Variants in LMTK3 observed in about 807,000 individuals in gnomAD.
LMTK3 encodes the protein serine/threonine-protein kinase LMTK3.
In LMTK3, 27 loss-of-function variants were observed where a neutral mutation model predicts 116.7. That is an observed-to-expected ratio of 0.23 (90% CI 0.17 to 0.32). LMTK3 has a LOEUF of 0.32. LMTK3 is among the 10% of genes least tolerant of loss of function. LMTK3 has a pLI of 1.00. For synonymous variants in LMTK3, 965 were observed against 971.0 expected, an observed-to-expected ratio of 0.99 and a Z score of 0.11; for missense variants, 1,764 against 2,068.5, an observed-to-expected ratio of 0.85 and a Z score of 2.86.
At chr19:48,493,573 T>G in intron 12 of LMTK3, 121 bp downstream of exon 12, 1 of 827,926 alleles carries the variant, frequency 1.2e-6, no homozygotes, top group Non-Finnish European at 1.5e-6. Flanking sequence ...CCACTCCAGC[T>G]CCGCCTCCCT....
chr19:48,495,467 C>G (rs1231894020), intron 11 of LMTK3, among the ~76,000 whole-genome samples: 3 of 152,194 alleles, frequency 2.0e-5, no homozygotes, highest in African/African-American at 7.2e-5. Context: ...TCTTTTCACC[C>G]CCCAATCCTA....
chr19:48,485,930 C>A lies in LMTK3; in HGVS notation c.4367-141G>T. The A allele has an allele frequency of 6.6e-6, 5 of 755,632 alleles. No homozygotes were observed. In the South Asian group the frequency reaches 9.5e-5, roughly 14 times the overall value. The allele number at this position is 755,632 out of a possible 1,614,324, so 46.8% of individuals were successfully genotyped here. Reference sequence around the variant, plus strand: ...TCTGTTCCCTCTCTGTCCTCACCTACCCCTCTTCTCCCCTCTGCTCCAGCC... The same window carrying A: ...TCTGTTCCCTCTCTGTCCTCACCTAACCCTCTTCTCCCCTCTGCTCCAGCC... On this transcript the variant is annotated intron_variant, in intron 14 of 14. Coordinates refer to ENST00000600059, the MANE Select transcript of LMTK3 (RefSeq NM_001388485.1).
chr19:48,513,299 C>G (rs1361277433), upstream of LMTK3: 3 of 789,800 alleles, frequency 3.8e-6, no homozygotes, highest in Non-Finnish European at 6.6e-6. This position sits in a 1 kb window ranked among gnomAD's most constrained non-coding sequence, Gnocchi z 5.6. Context: ...CCTCTCAATC[C>G]TCACAACCGC....
intron 14 of LMTK3, among the ~76,000 whole-genome samples, chr19:48,489,343 C>T (rs544458672): frequency 2.0e-5 from 3 of 152,216 alleles, no homozygotes; most frequent in Non-Finnish European, 4.4e-5. Flanking sequence ...GAGGCCAAGG[C>T]GGGCAGATCG....
chr19:48,491,687 G>A lies in LMTK3; in HGVS notation c.4093-148C>T. On this transcript the variant is annotated intron_variant, in intron 12 of 14. Transcript: ENST00000600059. The surrounding 1 kb of genome is among the most constrained non-coding windows in gnomAD (Gnocchi z 5.1). ...ACTGACTCGCACGCTCTGGAGAGGT[G>A]GCTGGAGCCCCTAATCTGGCTTCGA... The A allele has an allele frequency of 1.3e-6, 1 of 754,892 alleles. No homozygotes were observed. Among genetic ancestry groups the A allele is most frequent in the Non-Finnish European group, 1.8e-6 (1 of 547,334 alleles). 46.8% of individuals were successfully genotyped at this position (754,892 alleles called of 1,614,324 possible).
Position 48,500,307 on chromosome 19 carries a change from C to T in LMTK3, c.1152-390G>A, listed in dbSNP as rs1469478361. On this transcript the variant is annotated intron_variant, in intron 10 of 14. Transcript: ENST00000600059. This position sits in a 1 kb window ranked among gnomAD's most constrained non-coding sequence, Gnocchi z 4.0. ...AGCGTGGTGGCACCTGCCTGTAATC[C>T]CAGCTACCTGGGAGGCTGAGGCAGG... is the stretch of plus-strand genomic sequence containing the variant. 1.3e-5 allele frequency among the ~76,000 whole-genome samples: 2 copies of T among 152,206 alleles called. No homozygotes were observed. Among genetic ancestry groups the T allele is most frequent in the African/African-American group, 4.8e-5 (2 of 41,452 alleles).
Position 48,493,816 on chromosome 19 carries a change from G to A in LMTK3, c.3970C>T (p.Arg1324Cys). 6.0e-6 allele frequency: 9 copies of A among 1,504,082 alleles called. No homozygotes were observed. The highest frequency in any genetic ancestry group is 8.0e-6 in the Non-Finnish European group (9 of 1,126,896). The allele number at this position is 1,504,082 out of a possible 1,614,324, so 93.2% of individuals were successfully genotyped here. Residue 1324 changes from arginine (R) to cysteine (C), a missense_variant, in exon 12 of 15, where the codon CGC becomes TGC. Transcript: ENST00000600059. ...GACTTGAGCAGCCCCCGCAGCGGGC[G>A]GGCCGCGTCCGCGTCGGCGCTGCTC... is the stretch of plus-strand genomic sequence containing the variant. Reference protein sequence around the residue: ...VVSSADADAARPLRGLLKSPR... With the variant: ...VVSSADADAACPLRGLLKSPR...
Position 48,510,128 on chromosome 19 carries a change from G to T in LMTK3, c.256C>A (p.Pro86Thr). The change falls in exon 3 of 15, where the codon CCC (proline) becomes ACC (threonine). Residue 86 changes from proline to threonine, a missense_variant. Pro to Thr is a conservative substitution (Grantham distance 38). Transcript: ENST00000600059. ...EGEDCSGEYT[P>T]PAEETSSSQS... ...GAGGAGGAGGTCTCCTCCGCAGGGG[G>T]AGTGTACTCCCCGGAGCAGTCCTCC... The T allele has an allele frequency of 1.9e-6, 3 of 1,613,904 alleles. No individual in the cohort carries two copies. The highest frequency in any genetic ancestry group is 2.5e-6 in the Non-Finnish European group (3 of 1,179,868).
chr19:48,498,747 C>T lies in LMTK3; in HGVS notation c.2322G>A (p.Ser774=), dbSNP rs757885078. The T allele has an allele frequency of 2.7e-6, 4 of 1,490,576 alleles. No individual in the cohort carries two copies. The highest frequency in any genetic ancestry group is 1.5e-5 in the African/African-American group (1 of 67,676). The allele number at this position is 1,490,576 out of a possible 1,614,324, so 92.3% of individuals were successfully genotyped here. A position where few individuals can be genotyped will look rare whatever the true frequency, so the allele number is the denominator to read the frequency against. The change falls in exon 11 of 15, where the codon TCG becomes TCA. Residue 774 remains serine, a synonymous_variant. Transcript: ENST00000600059. ...GGCCTGAACCGGGACTGGCCACGGC[C>T]GAAGGGGGGTCGGGGGACGCGGCCG... ...ADPAASPDPP[S]AVASPGSGLS...
intron 5 of LMTK3, among the ~76,000 whole-genome samples, chr19:48,505,103 CTTTTTTTT>C (rs33927563): frequency 2.3e-4 from 13 of 55,574 alleles, no homozygotes; most frequent in Non-Finnish European, 3.2e-4. Context: ...CTCTCTCTCT[CTTTTTTTT>C]TTTTTTTTTT....
At chr19:48,496,016 G>A (rs555842060) in intron 11 of LMTK3, among the ~76,000 whole-genome samples, 5 of 152,368 alleles carry the variant, frequency 3.3e-5, no homozygotes, top group African/African-American at 1.2e-4. Context: ...CCAGCCTTGG[G>A]CAGCTCAGGG....
rs770264362 is a variant in LMTK3 at position 48,508,933 on chromosome 19, C to A, written c.475G>T (p.Ala159Ser). ...LGEIFSDYTP[A>S]QVVVKELRAS... Reference sequence around the variant, plus strand: ...CGGAGCTCCTTCACCACCACCTGGGCGGGGGTGTAGTCGGAGAAAATCTCT... The same window carrying A: ...CGGAGCTCCTTCACCACCACCTGGGAGGGGGTGTAGTCGGAGAAAATCTCT... Residue 159 changes from alanine to serine, a missense_variant, in exon 5 of 15, where the codon GCC (alanine) becomes TCC (serine). Ala to Ser is a moderately conservative substitution (Grantham distance 99). Coordinates refer to ENST00000600059, the MANE Select transcript of LMTK3 (RefSeq NM_001388485.1). 3.1e-6 allele frequency: 5 copies of A among 1,612,396 alleles called. No homozygotes were observed. Among genetic ancestry groups the A allele is most frequent in the East Asian group, 2.2e-5 (1 of 44,872 alleles).
At chr19:48,488,363 G>A (rs993454127) in intron 14 of LMTK3, among the ~76,000 whole-genome samples, 2 of 151,978 alleles carry the variant, frequency 1.3e-5, no homozygotes, top group Non-Finnish European at 2.9e-5. Flanking sequence ...CCACAGCCCT[G>A]GCTCACTATC....
intron 12 of LMTK3, among the ~76,000 whole-genome samples, chr19:48,492,191 G>C (rs1399522420): frequency 6.6e-6 from 1 of 152,030 alleles, no homozygotes; most frequent in Non-Finnish European, 1.5e-5. Flanking sequence ...ACCATATCCT[G>C]TGTTTTTCTT....
Position 48,492,062 on chromosome 19 carries a change from C to G in LMTK3, c.4093-523G>C, listed in dbSNP as rs190479770. On this transcript the variant is annotated intron_variant, in intron 12 of 14. Coordinates refer to ENST00000600059, the MANE Select transcript of LMTK3 (RefSeq NM_001388485.1). ...TGAAAACATTTCAGTGGCCCAGGCC[C>G]CAGTTCTTGGCCTTGTTTCCATTCC... is the stretch of plus-strand genomic sequence containing the variant. Among the ~76,000 whole-genome samples the G allele has an allele frequency of 2.6e-5, 4 of 152,306 alleles. No homozygotes were observed. The East Asian group carries it at 7.7e-4, about 29-fold the overall frequency.
At position 48,491,423 on chromosome 19, in the gene LMTK3, G is replaced by T; in HGVS notation, c.4209C>A (p.Pro1403=). 7.0e-7 allele frequency: 1 copy of T among 1,422,294 alleles called. No individual in the cohort carries two copies. The allele number at this position is 1,422,294 out of a possible 1,614,324, so 88.1% of individuals were successfully genotyped here. The change falls in exon 13 of 15, where the codon CCC becomes CCA. Residue 1403 remains proline, a synonymous_variant. Transcript: ENST00000600059. The surrounding 1 kb of genome is among the most constrained non-coding windows in gnomAD (Gnocchi z 5.1). The part of the protein sequence containing the change: ...PHPATPGDGF[P]SNDSGFGGSF... Reference sequence around the variant, plus strand: ...CCTCACCAAAGCCGCTGTCGTTGCTGGGAAACCCATCTCCGGGGGTGGCGG... The same window carrying T: ...CCTCACCAAAGCCGCTGTCGTTGCTTGGAAACCCATCTCCGGGGGTGGCGG...
chr19:48,496,526 T>TG (rs1442208642), intron 11 of LMTK3, among the ~76,000 whole-genome samples: 1 of 152,250 alleles, frequency 6.6e-6, no homozygotes, highest in African/African-American at 2.4e-5. Context: ...CTTGAACTCC[T>TG]GACCTCAGGT....
intron 12 of LMTK3, among the ~76,000 whole-genome samples, chr19:48,493,425 C>T (rs1025830754): frequency 7.5e-6 from 1 of 133,312 alleles, no homozygotes; most frequent in African/African-American, 3.3e-5. Context: ...CCCCTTAGGT[C>T]CCACCCCAAT....
chr19:48,489,226 G>C lies in LMTK3; in HGVS notation c.4366+1882C>G, dbSNP rs144161407. 5.9e-3 allele frequency among the ~76,000 whole-genome samples: 893 copies of C among 152,330 alleles called. 14 individuals carry two copies. The highest frequency in any genetic ancestry group is 0.02 in the African/African-American group (836 of 41,574). ...GTGCCCAGCATGGCGCCTGCACGCA[G>C]AAGATGATCAGAAAACATTGACTTA... is the stretch of plus-strand genomic sequence containing the variant. On this transcript the variant is annotated intron_variant, in intron 14 of 14. Transcript: ENST00000600059.
Sources: gnomAD v4.1 joint callset for allele counts (sites outside exome capture counted in the v4.1 genomes callset) on GRCh38, gnomAD v4.1.1 for gene constraint, Gnocchi (gnomAD v3.1) non-coding constraint, MANE v1.5 for transcripts, NCBI Gene and HGNC (gene_info 2026-07-23, HGNC 2026-07-21) for gene names.